The following SHBG variants were observed in gnomAD, a reference collection of about 807,000 sequenced individuals.
SHBG encodes sex hormone binding globulin, also known as sex hormone-binding globulin.
Under a neutral mutation model 41.9 loss-of-function variants are expected in SHBG, and 37 were observed. That is an observed-to-expected ratio of 0.88 (90% CI 0.68 to 1.16). The LOEUF is 1.16. SHBG is among the 50% of genes most tolerant of loss of function. The pLI, the probability that SHBG is intolerant of heterozygous loss-of-function variation, is 0.00. For synonymous variants in SHBG, 217 were observed against 205.8 expected (o/e 1.05, Z -0.47); for missense variants, 466 against 499.9 (o/e 0.93, Z 0.65).
At chr17:7,625,666 G>A (rs535209648), upstream of SHBG, among the ~76,000 whole-genome samples, 52 of 151,864 alleles carry the variant, frequency 3.4e-4, no homozygotes, top group Middle Eastern at 3.4e-3. Context: ...CGAGGCAGTC[G>A]GACTACCTGA....
upstream of SHBG, among the ~76,000 whole-genome samples, chr17:7,623,478 A>C (rs949107677): frequency 9.8e-5 from 15 of 152,320 alleles, no homozygotes; most frequent in Admixed American, 4.6e-4. Context: ...TTGTTTTTTG[A>C]GACAGGGCTT....
chr17:7,618,658 T>G (rs1246359267), intron 1 of SHBG, among the ~76,000 whole-genome samples: 1 of 152,022 alleles, frequency 6.6e-6, no homozygotes, highest in African/African-American at 2.4e-5. Context: ...GGCTTTTAAG[T>G]TCCCAACAAA....
At chr17:7,618,818 T>A (rs569951751) in intron 1 of SHBG, among the ~76,000 whole-genome samples, 1 of 152,228 alleles carries the variant, frequency 6.6e-6, no homozygotes, top group East Asian at 1.9e-4. Context: ...AGATCCCAAT[T>A]GCGCAGCCTC....
At position 7,631,291 on chromosome 17, in the gene SHBG, G is replaced by A. The variant is rs781033941; in HGVS notation, c.485G>A (p.Ser162Asn). ...AGACAGGTCTCTGGGCCCCTGACCAGCAAACGCCATCCCATCATGAGGATT... is the reference window on the plus strand; with the variant it reads ...AGACAGGTCTCTGGGCCCCTGACCAACAAACGCCATCCCATCATGAGGATT... The part of the protein sequence containing the change: ...RLRQVSGPLT[S>N]KRHPIMRIAL... The change falls in exon 4 of 8, where the codon AGC becomes AAC. Residue 162 changes from serine to asparagine, a missense_variant. Coordinates refer to ENST00000380450, the MANE Select transcript of SHBG (RefSeq NM_001040.5). 2 of 1,613,804 alleles carry A rather than the reference G, an allele frequency of 1.2e-6. No homozygotes were observed. The highest frequency in any genetic ancestry group is 1.7e-6 in the Non-Finnish European group (2 of 1,179,886).
chr17:7,614,517 A>C, intron 1 of SHBG: 1 of 1,502,330 alleles, frequency 6.7e-7, no homozygotes, highest in African/African-American at 1.4e-5. Flanking sequence ...TCCCCCCCAG[A>C]GGCCAGGCCG....
chr17:7,615,384 T>C (rs888131679), intron 1 of SHBG, among the ~76,000 whole-genome samples: 1 of 152,162 alleles, frequency 6.6e-6, no homozygotes, highest in Non-Finnish European at 1.5e-5. Flanking sequence ...AAAAAGGTGC[T>C]TGGTGCGCAC....
chr17:7,630,027 G>A (rs145624328), upstream of SHBG: 2 of 735,528 alleles, frequency 2.7e-6, no homozygotes, highest in Middle Eastern at 3.6e-4. The surrounding 1 kb of genome is among the most constrained non-coding windows in gnomAD (Gnocchi z 4.6). Context: ...GGGCCCCTGG[G>A]CAGGGGTCAA....
chr17:7,631,857 G>C, intron 5 of SHBG, 22 bp from the exon 6 acceptor site: 1 of 1,614,004 alleles, frequency 6.2e-7, no homozygotes. Context: ...TGAGGCCTCA[G>C]GATAATCATT....
upstream of SHBG, among the ~76,000 whole-genome samples, chr17:7,623,181 T>A (rs761890729): frequency 6.6e-6 from 1 of 152,048 alleles, no homozygotes; most frequent in Non-Finnish European, 1.5e-5. Flanking sequence ...TCACCTGAGG[T>A]CAGAATTGGA....
intron 1 of SHBG, among the ~76,000 whole-genome samples, chr17:7,616,668 T>C (rs1259482860): frequency 6.6e-6 from 1 of 151,476 alleles, no homozygotes; most frequent in African/African-American, 2.4e-5. Flanking sequence ...CCCGGCGCGG[T>C]GGCTCACGCC....
rs2072383061 is a variant in SHBG at position 7,630,817 on chromosome 17, C to T, written c.341C>T (p.Ala114Val). Residue 114 changes from alanine (A) to valine (V), a missense_variant, in exon 3 of 8, where the codon GCC (alanine) becomes GTC (valine). Physicochemically the swap from Ala to Val is moderately conservative, Grantham distance 64 (BLOSUM62 0). Transcript: ENST00000380450. This position sits in a 1 kb window ranked among gnomAD's most constrained non-coding sequence, Gnocchi z 4.6. Reference sequence around the variant, plus strand: ...GAGATCCAACTGCACAATCACTGGGCCCAGCTTACGGTGGGTGCTGGACCA... The same window carrying T: ...GAGATCCAACTGCACAATCACTGGGTCCAGCTTACGGTGGGTGCTGGACCA... ...RPEIQLHNHWAQLTVGAGPRL... is the reference protein window; with the variant it reads ...RPEIQLHNHWVQLTVGAGPRL... 1.9e-6 allele frequency: 3 copies of T among 1,613,872 alleles called. No homozygotes were observed. Among genetic ancestry groups the T allele is most frequent in the Non-Finnish European group, 2.5e-6 (3 of 1,179,992 alleles).
chr17:7,627,458 G>C, upstream of SHBG: 2 of 1,608,442 alleles, frequency 1.2e-6, no homozygotes, highest in Non-Finnish European at 1.7e-6. This position sits in a 1 kb window ranked among gnomAD's most constrained non-coding sequence, Gnocchi z 4.8. Flanking sequence ...GAAGGGCCCC[G>C]CTGCTCCCCG....
chr17:7,626,290 C>T, upstream of SHBG: 1 of 740,282 alleles, frequency 1.4e-6, no homozygotes, highest in Non-Finnish European at 2.3e-6. Flanking sequence ...AAGGTCTCTC[C>T]CTCAATTCTG....
chr17:7,618,833 T>G (rs1436303040), intron 1 of SHBG, among the ~76,000 whole-genome samples: 2 of 152,134 alleles, frequency 1.3e-5, no homozygotes, highest in Non-Finnish European at 2.9e-5. Flanking sequence ...AGCCTCAAGA[T>G]CGCCTCTCTG....
At position 7,631,913 on chromosome 17, in the gene SHBG, C is replaced by T; in HGVS notation, c.750C>T (p.Phe250=). 2 of 1,614,086 alleles carry T rather than the reference C, an allele frequency of 1.2e-6. No homozygotes were observed. The highest frequency in any genetic ancestry group is 1.7e-6 in the Non-Finnish European group (2 of 1,180,006). Residue 250 remains phenylalanine (F), a synonymous_variant, in exon 6 of 8, where the codon TTC becomes TTT. Transcript: ENST00000380450. ...AGCCTCATGCAGAGCCCTGGGCCTTCTCTTTGGACCTGGGACTCAAGCAGG... is the reference window on the plus strand; with the variant it reads ...AGCCTCATGCAGAGCCCTGGGCCTTTTCTTTGGACCTGGGACTCAAGCAGG... ...IPQPHAEPWA[F]SLDLGLKQAA...
chr17:7,620,266 T>C (rs1238760946), intron 1 of SHBG, among the ~76,000 whole-genome samples: 1 of 152,144 alleles, frequency 6.6e-6, no homozygotes, highest in Non-Finnish European at 1.5e-5. Flanking sequence ...TGGAGTCCAA[T>C]ACTAGCCTGG....
upstream of SHBG, chr17:7,629,960 G>A (rs954008145): frequency 1.6e-6 from 1 of 627,110 alleles, no homozygotes. Context: ...ATAGTGGAGG[G>A]GACTCTGTCC....
At position 7,632,841 on chromosome 17, in the gene SHBG, G is replaced by A. The variant is rs4987212; in HGVS notation, c.942G>A (p.Arg314=). ...TTCAGCTGAAGCTGAGTATGTCCAG[G>A]GTGGTCTTGAGCCAAGGGTCGAAGA... ...LPLQLKLSMS[R]VVLSQGSKMK... The change falls in exon 7 of 8, where the codon AGG becomes AGA. Residue 314 remains arginine, a synonymous_variant. Transcript: ENST00000380450. 3,836 of 1,614,146 alleles carry A rather than the reference G, an allele frequency of 2.4e-3. 62 individuals carry two copies. In the African/African-American group the frequency reaches 0.045, roughly 19 times the overall value.
chr17:7,631,128 T>C (rs1261599182), intron 3 of SHBG, 72 bp from the exon 4 acceptor site: 3 of 1,421,556 alleles, frequency 2.1e-6, no homozygotes, highest in African/African-American at 1.4e-5. Context: ...ACTATAGTAC[T>C]AGGCTGCCTC....
Sources: allele counts gnomAD v4.1 joint callset (sites outside exome capture counted in the v4.1 genomes callset), GRCh38; gene constraint gnomAD v4.1.1; non-coding constraint Gnocchi (gnomAD v3.1); transcripts MANE v1.5; gene names NCBI Gene and HGNC (gene_info 2026-07-23, HGNC 2026-07-21).